Variants in EXOSC7 observed in about 807,000 individuals in gnomAD.
EXOSC7 encodes the protein exosome complex component RRP42.
EXOSC7 carries 25 observed loss-of-function variants against 34.3 expected under a neutral mutation model. The observed-to-expected ratio is 0.73, with a 90% CI of 0.53 to 1.02. The LOEUF (loss-of-function observed/expected upper bound fraction) is 1.02, where lower values mean the gene tolerates loss of function less well. Among genes scored for constraint, EXOSC7 ranks in the 50% least tolerant of loss-of-function variants. The pLI, the probability that EXOSC7 is intolerant of heterozygous loss-of-function variation, is 0.00. For synonymous variants in EXOSC7, 130 were observed against 143.0 expected, an observed-to-expected ratio of 0.91 and a Z score of 0.65; for missense variants, 370 against 368.5, an observed-to-expected ratio of 1.00 and a Z score of -0.03.
chr3:44,983,835 T>G (rs1298013938), intron 1 of EXOSC7, among the ~76,000 whole-genome samples: 1 of 150,270 alleles, frequency 6.7e-6, no homozygotes, highest in Non-Finnish European at 1.5e-5. Flanking sequence ...TTGGACAATT[T>G]CCTAAGCCTT....
Position 45,003,385 on chromosome 3 carries a change from C to T in EXOSC7, c.491+1777C>T, listed in dbSNP as rs948376983. Among the ~76,000 whole-genome samples the T allele has an allele frequency of 6.6e-5, 10 of 151,746 alleles. No homozygotes were observed. In the East Asian group the frequency reaches 1.4e-3, roughly 21 times the overall value. On this transcript the variant is annotated intron_variant, in intron 5 of 7. Coordinates refer to ENST00000265564, the MANE Select transcript of EXOSC7 (RefSeq NM_015004.4). ...TGTATGTGTGTGTGTAAATGGTTGA[C>T]AACTTGTTCAAATAGGATATTACTT...
At chr3:44,988,077 C>T (rs1443434920) in intron 1 of EXOSC7, among the ~76,000 whole-genome samples, 1 of 152,152 alleles carries the variant, frequency 6.6e-6, no homozygotes, top group East Asian at 1.9e-4. Context: ...GAACTTAGAG[C>T]CTAGTTCCTG....
chr3:44,985,822 G>A (rs960585427), intron 1 of EXOSC7, among the ~76,000 whole-genome samples: 1 of 152,098 alleles, frequency 6.6e-6, no homozygotes, highest in Non-Finnish European at 1.5e-5. Context: ...ACAGAGAGCC[G>A]AGTGGTCTGT....
chr3:44,989,267 C>A, intron 2 of EXOSC7, 26 bp downstream of exon 2: 1 of 1,545,424 alleles, frequency 6.5e-7, no homozygotes, highest in Non-Finnish European at 8.9e-7. Flanking sequence ...ATGGTTCAAG[C>A]CCAGGTGGAG....
chr3:44,982,062 C>T (rs1402483747), intron 1 of EXOSC7, among the ~76,000 whole-genome samples: 1 of 152,178 alleles, frequency 6.6e-6, no homozygotes, highest in Non-Finnish European at 1.5e-5. Flanking sequence ...TATCCCTTCT[C>T]TGCAGCCACT....
chr3:44,992,247 C>T (rs1449947355), intron 3 of EXOSC7, among the ~76,000 whole-genome samples: 1 of 152,120 alleles, frequency 6.6e-6, no homozygotes, highest in Admixed American at 6.5e-5. Flanking sequence ...AGTTGCTGCC[C>T]AGTGGAAGGA....
At chr3:45,003,465 C>G (rs995459179) in intron 5 of EXOSC7, among the ~76,000 whole-genome samples, 1 of 152,158 alleles carries the variant, frequency 6.6e-6, no homozygotes, top group African/African-American at 2.4e-5. Flanking sequence ...TTACAGAACT[C>G]CTTGGCCCTT....
chr3:44,990,593 T>C (rs1706542597), intron 3 of EXOSC7, among the ~76,000 whole-genome samples: 1 of 152,192 alleles, frequency 6.6e-6, no homozygotes, highest in Non-Finnish European at 1.5e-5. Context: ...ACTTAGCATA[T>C]AGTGATACTC....
At chr3:44,986,450 C>T (rs112407599) in intron 1 of EXOSC7, among the ~76,000 whole-genome samples, 168 of 152,342 alleles carry the variant, frequency 1.1e-3, no homozygotes, top group African/African-American at 3.8e-3. Context: ...AAGCACTGCC[C>T]GCAGCCCTGG....
At chr3:45,005,907 G>A (rs1445506693) in intron 6 of EXOSC7, among the ~76,000 whole-genome samples, 16 of 151,994 alleles carry the variant, frequency 1.1e-4, no homozygotes, top group Admixed American at 1.0e-3. Context: ...TGTGCAAAGA[G>A]GCCTGTATTG....
In EXOSC7 at chr3:45,005,330, G is replaced by T; in HGVS notation, c.531G>T (p.Ser177=). The change falls in exon 6 of 8, where the codon TCG becomes TCT. Residue 177 remains serine (S), a synonymous_variant. Transcript: ENST00000265564. ...GAGTTTTGGAGGATGAAGAGGGGTCGAAGGACATTGAATTGTCAGATGACC... is the reference window on the plus strand; with the variant it reads ...GAGTTTTGGAGGATGAAGAGGGGTCTAAGGACATTGAATTGTCAGATGACC... ...RVRVLEDEEG[S]KDIELSDDPY... 4 of 1,614,102 alleles carry T rather than the reference G, an allele frequency of 2.5e-6. No individual in the cohort carries two copies. Among genetic ancestry groups the T allele is most frequent in the Non-Finnish European group, 3.4e-6 (4 of 1,179,956 alleles).
chr3:45,001,161 A>G lies in EXOSC7; in HGVS notation c.421-377A>G, dbSNP rs527829535. 2.6e-5 allele frequency among the ~76,000 whole-genome samples: 4 copies of G among 152,164 alleles called. No individual in the cohort carries two copies. In the East Asian group the frequency reaches 7.7e-4, roughly 29 times the overall value. On this transcript the variant is annotated intron_variant, in intron 4 of 7. Transcript: ENST00000265564. The stretch of plus-strand genomic sequence containing the variant: ...TAGATTTAGGGAAAGAAAAAAAAAA[A>G]TCGGTGTCCTGGCCGGGCGTGGTGG...
intron 1 of EXOSC7, among the ~76,000 whole-genome samples, chr3:44,987,486 C>T (rs992999017): frequency 7.9e-5 from 12 of 152,208 alleles, no homozygotes; most frequent in East Asian, 1.9e-4. Flanking sequence ...GCGGGAGAAG[C>T]GCTTGAACGC....
rs576934731 is a variant in EXOSC7, at chr3:45,010,434, A to G, written c.772-801A>G. On this transcript the variant is annotated intron_variant, in intron 7 of 7. Transcript: ENST00000265564. The stretch of plus-strand genomic sequence containing the variant: ...AGCTAATTTTTAGTTTTTTGTAGAG[A>G]TGGGGTTTCACTCTGTTGCCCAGTC... 1.1e-4 allele frequency among the ~76,000 whole-genome samples: 16 copies of G among 152,100 alleles called. No individual in the cohort carries two copies. The East Asian group carries it at 2.9e-3, about 28-fold the overall frequency.
chr3:45,011,528 T>A (rs929706330), downstream of EXOSC7: 3 of 478,184 alleles, frequency 6.3e-6, no homozygotes, highest in Admixed American at 7.6e-5. Flanking sequence ...CAGTGACCCA[T>A]CTGGGTCTGG....
chr3:45,003,270 T>C (rs1706931366), intron 5 of EXOSC7, among the ~76,000 whole-genome samples: 1 of 152,206 alleles, frequency 6.6e-6, no homozygotes, highest in Non-Finnish European at 1.5e-5. Context: ...GAGGGTATTC[T>C]TTAGCCCTTC....
At chr3:45,000,046 G>T (rs561642175) in intron 4 of EXOSC7, among the ~76,000 whole-genome samples, 1 of 152,314 alleles carries the variant, frequency 6.6e-6, no homozygotes, top group African/African-American at 2.4e-5. Context: ...CCTGTTTCCA[G>T]TATTGGTTTT....
intron 5 of EXOSC7, 140 bp downstream of exon 5, chr3:45,001,748 C>A: frequency 1.6e-6 from 1 of 642,146 alleles, no homozygotes; most frequent in Non-Finnish European, 2.8e-6. Flanking sequence ...TGACATCTAA[C>A]GTTAAACTCC....
In EXOSC7 at chr3:44,989,188, G is replaced by A. The variant is rs146138646; in HGVS notation, c.106G>A (p.Glu36Lys). 57 of 1,614,148 alleles carry A rather than the reference G, an allele frequency of 3.5e-5. No homozygotes were observed. In the African/African-American group the frequency reaches 4.4e-4, roughly 12 times the overall value. ...TGGCTGTGAGGACTACCGATGTGTC[G>A]AAGTGGAAACTGATGTGGTGTCCAA... ...GRGCEDYRCV[E>K]VETDVVSNTS... The change falls in exon 2 of 8, where the codon GAA (glutamate) becomes AAA (lysine). Residue 36 changes from glutamate to lysine, a missense_variant. Around this residue, in one of 3 missense-constraint regions of EXOSC7, gnomAD observed 95 missense variants for 79.8 expected, o/e 1.19. Coordinates refer to ENST00000265564, the MANE Select transcript of EXOSC7 (RefSeq NM_015004.4).
Sources: allele counts gnomAD v4.1 joint callset (sites outside exome capture counted in the v4.1 genomes callset), GRCh38; gene constraint gnomAD v4.1.1; regional missense constraint gnomAD v4.1.1; transcripts MANE v1.5; gene names NCBI Gene and HGNC (gene_info 2026-07-23, HGNC 2026-07-21).